APBB2: variants seen among roughly 807,000 people sequenced by gnomAD.
The protein encoded by APBB2 is Fe65-like 1.
In APBB2, 38 loss-of-function variants were observed where a neutral mutation model predicts 82.5. The observed-to-expected ratio is 0.46, with a 90% CI of 0.36 to 0.60. The LOEUF is 0.60. APBB2 is among the 20% of genes least tolerant of loss of function. APBB2 has a pLI of 0.00. For missense variants in APBB2, 772 were observed against 972.3 expected (o/e 0.79, Z 2.74); for synonymous variants, 341 against 368.2 (o/e 0.93, Z 0.85).
intron 12 of APBB2, among the ~76,000 whole-genome samples, chr4:40,852,463 A>G (rs1759791976): frequency 6.6e-6 from 1 of 152,004 alleles, no homozygotes; most frequent in Non-Finnish European, 1.5e-5. Flanking sequence ...TCTTAGTCTG[A>G]TTCTTTATTT....
At chr4:41,035,255 T>G (rs929742997) in intron 4 of APBB2, among the ~76,000 whole-genome samples, 7 of 152,220 alleles carry the variant, frequency 4.6e-5, no homozygotes, top group African/African-American at 1.7e-4. Flanking sequence ...TAGCAACCTT[T>G]AATGGGCATC....
chr4:40,827,056 G>C, intron 14 of APBB2, 76 bp downstream of exon 14: 1 of 1,337,720 alleles, frequency 7.5e-7, no homozygotes, highest in South Asian at 1.2e-5. Flanking sequence ...AAATACCAGA[G>C]AACCATCTGA....
At chr4:41,203,207 T>G (rs1580810930) in intron 1 of APBB2, among the ~76,000 whole-genome samples, 1 of 151,802 alleles carries the variant, frequency 6.6e-6, no homozygotes, top group African/African-American at 2.4e-5. Context: ...AAGATACACA[T>G]ATACACACAC....
At chr4:41,059,085 CA>C (rs1728830453) in intron 4 of APBB2, among the ~76,000 whole-genome samples, 2 of 139,858 alleles carry the variant, frequency 1.4e-5, no homozygotes, top group Admixed American at 1.4e-4. Context: ...AACAAGAAAT[CA>C]AAATTTAAAC....
intron 12 of APBB2, among the ~76,000 whole-genome samples, chr4:40,865,860 G>A (rs1251877436): frequency 6.6e-6 from 1 of 152,196 alleles, no homozygotes; most frequent in Non-Finnish European, 1.5e-5. Context: ...GGAAAATGCC[G>A]ATTAAAACCA....
At chr4:40,850,752 G>A (rs1047130735) in intron 12 of APBB2, among the ~76,000 whole-genome samples, 3 of 152,136 alleles carry the variant, frequency 2.0e-5, no homozygotes, top group South Asian at 2.1e-4. Context: ...GGTCAGCATG[G>A]ACAACACAGT....
At chr4:41,029,440 G>C (rs1204623722) in intron 5 of APBB2, among the ~76,000 whole-genome samples, 3 of 152,164 alleles carry the variant, frequency 2.0e-5, no homozygotes, top group Non-Finnish European at 2.9e-5. Context: ...ATTCTAACTA[G>C]GCGAGCAATG....
intron 1 of APBB2, among the ~76,000 whole-genome samples, chr4:41,148,312 G>A (rs977896264): frequency 2.6e-5 from 4 of 152,200 alleles, no homozygotes; most frequent in African/African-American, 9.7e-5. Flanking sequence ...GAAATTAACA[G>A]ATTTAGAGGT....
intron 1 of APBB2, among the ~76,000 whole-genome samples, chr4:41,212,176 C>T (rs1016999396): frequency 1.3e-5 from 2 of 152,122 alleles, no homozygotes; most frequent in Non-Finnish European, 2.9e-5. Flanking sequence ...AAACAGTCAT[C>T]AAAAGGTTGA....
chr4:40,873,544 G>A (rs974636466), intron 12 of APBB2, among the ~76,000 whole-genome samples: 7 of 152,334 alleles, frequency 4.6e-5, no homozygotes, highest in African/African-American at 1.7e-4. Flanking sequence ...AGACCACTGA[G>A]TTTGTGGGGG....
intron 6 of APBB2, among the ~76,000 whole-genome samples, chr4:41,012,775 T>C (rs185051174): frequency 5.9e-4 from 90 of 152,276 alleles, no homozygotes; most frequent in African/African-American, 2.1e-3. Flanking sequence ...CCTTTCTGAG[T>C]GCTTGTTTAC....
At chr4:41,189,662 C>T (rs1470611658) in intron 1 of APBB2, among the ~76,000 whole-genome samples, 2 of 152,136 alleles carry the variant, frequency 1.3e-5, no homozygotes, top group Admixed American at 6.5e-5. Flanking sequence ...AAGTAAATAG[C>T]GGTATACTTC....
intron 10 of APBB2, among the ~76,000 whole-genome samples, chr4:40,908,844 T>C (rs891261752): frequency 6.6e-6 from 1 of 152,182 alleles, no homozygotes; most frequent in Non-Finnish European, 1.5e-5. Context: ...TGGGTGCCCT[T>C]GTGCAAACTG....
At chr4:40,959,971 T>C (rs192245624) in intron 6 of APBB2, among the ~76,000 whole-genome samples, 2 of 152,206 alleles carry the variant, frequency 1.3e-5, no homozygotes, top group Admixed American at 1.3e-4. Flanking sequence ...ATGCTTATCA[T>C]TTGGCTGCAG....
intron 6 of APBB2, among the ~76,000 whole-genome samples, chr4:40,963,141 GTAGT>G (rs761512656): frequency 1.9e-4 from 29 of 152,108 alleles, no homozygotes; most frequent in Admixed American, 1.2e-3. Flanking sequence ...GGATCTACTG[GTAGT>G]TAGCGTCCAT....
At chr4:41,025,835 T>C (rs1713827615) in intron 5 of APBB2, among the ~76,000 whole-genome samples, 1 of 136,496 alleles carries the variant, frequency 7.3e-6, no homozygotes, top group Non-Finnish European at 1.6e-5. Context: ...CCGGAGAATC[T>C]CTTGAAGCTG....
intron 1 of APBB2, among the ~76,000 whole-genome samples, chr4:41,164,359 T>A (rs964959300): frequency 6.6e-6 from 1 of 152,198 alleles, no homozygotes; most frequent in Admixed American, 6.5e-5. Context: ...ACGTAAGCAG[T>A]GTGCACATTA....
intron 2 of APBB2, among the ~76,000 whole-genome samples, chr4:41,114,533 T>C (rs1303938751): frequency 6.6e-6 from 1 of 152,194 alleles, no homozygotes; most frequent in African/African-American, 2.4e-5. Context: ...AGTCAAATTG[T>C]CTCTGTTTGC....
chr4:40,989,767 G>C (rs1379388040), intron 6 of APBB2, among the ~76,000 whole-genome samples: 3 of 152,120 alleles, frequency 2.0e-5, no homozygotes, highest in African/African-American at 7.2e-5. Flanking sequence ...GTCGGAAGGG[G>C]AATGTGTTTG....
Sources: allele counts gnomAD v4.1 joint callset (sites outside exome capture counted in the v4.1 genomes callset), GRCh38; gene constraint gnomAD v4.1.1; transcripts MANE v1.5; gene names NCBI Gene and HGNC (gene_info 2026-07-23, HGNC 2026-07-21).